Variants in CKB observed in about 807,000 individuals in gnomAD.
CKB encodes the protein creatine kinase B-type.
In CKB, 15 loss-of-function variants were observed where a neutral mutation model predicts 36.9. That is an observed-to-expected ratio of 0.41 (90% confidence interval 0.27 to 0.63). The LOEUF (loss-of-function observed/expected upper bound fraction) is 0.63. Ranked by LOEUF, CKB falls within the 20% of genes least tolerant of loss-of-function variation. The probability of loss-of-function intolerance (pLI) is 0.34; values close to 1 mark genes in which losing one functional copy is unlikely to be tolerated. For synonymous variants in CKB, 250 were observed against 228.2 expected (o/e 1.10, Z -0.86); for missense variants, 413 against 534.9 (o/e 0.77, Z 2.25).
rs766078386 is a variant in CKB at position 103,521,944 on chromosome 14, C to T, written c.355G>A (p.Asp119Asn). The change falls in exon 4 of 8, where the codon GAC (aspartate) becomes AAC (asparagine). Residue 119 changes from aspartate to asparagine, a missense_variant. Coordinates refer to ENST00000348956, the MANE Select transcript of CKB (RefSeq NM_001823.5). ...AGCACGTAGTTGGGGTCCAGGTCGT[C>T]GCCGCCCTGGGAGGCGAGACGGGAG... ...DLNPDNLQGGDDLDPNYVLSS... is the reference protein window; with the variant it reads ...DLNPDNLQGGNDLDPNYVLSS... The T allele has an allele frequency of 9.5e-6, 15 of 1,575,606 alleles. No individual in the cohort carries two copies. In the East Asian group the frequency reaches 3.4e-4, roughly 36 times the overall value.
At chr14:103,521,198 G>C in intron 5 of CKB, 65 bp downstream of exon 5, 1 of 1,516,198 alleles carries the variant, frequency 6.6e-7, no homozygotes, top group Non-Finnish European at 8.8e-7. Context: ...CGCGAGGGGG[G>C]CGAGAGGGAA....
intron 5 of CKB, chr14:103,521,051 G>A (rs1389847755): frequency 2.8e-6 from 2 of 708,276 alleles, no homozygotes; most frequent in African/African-American, 3.5e-5. Flanking sequence ...CCCACGGGCC[G>A]GGGCCCAGTC....
Position 103,519,781 on chromosome 14 carries a change from G to A in CKB, c.*83C>T, listed in dbSNP as rs2075885967. 9 of 1,472,618 alleles carry A rather than the reference G, an allele frequency of 6.1e-6. No homozygotes were observed. Among genetic ancestry groups the A allele is most frequent in the Non-Finnish European group, 8.2e-6 (9 of 1,101,906 alleles). The allele number at this position is 1,472,618 out of a possible 1,614,324, so 91.2% of individuals were successfully genotyped here. ...AGCAAGGCTAAGGGCTCGCCAGACG[G>A]CGAACATCAGGGGTGCATGGTGGGC... is the stretch of plus-strand genomic sequence containing the variant. On this transcript the variant is annotated 3_prime_UTR_variant, in exon 8 of 8. Coordinates refer to ENST00000348956, the MANE Select transcript of CKB (RefSeq NM_001823.5).
chr14:103,521,107 G>C, intron 5 of CKB, 156 bp downstream of exon 5: 2 of 932,560 alleles, frequency 2.1e-6, no homozygotes, highest in Non-Finnish European at 3.3e-6. Context: ...AGGAGGAGGC[G>C]CGGCACGGAA....
chr14:103,521,221 G>C lies in CKB; in HGVS notation c.653+42C>G, dbSNP rs959941529. ...GGGCGAGAGGGAAAGCGGAGGTAGCGGGGAGGGAGGACGCCGCGAGAGGGC... is the reference window on the plus strand; with the variant it reads ...GGGCGAGAGGGAAAGCGGAGGTAGCCGGGAGGGAGGACGCCGCGAGAGGGC... On this transcript the variant is annotated intron_variant, in intron 5 of 7. Transcript: ENST00000348956. The C allele has an allele frequency of 9.7e-6, 15 of 1,541,914 alleles. No individual in the cohort carries two copies. In the Middle Eastern group the frequency reaches 1.2e-3, roughly 118 times the overall value.
chr14:103,520,084 C>T (rs1280507642), intron 7 of CKB, 38 bp downstream of exon 7: 1 of 1,604,258 alleles, frequency 6.2e-7, no homozygotes, highest in East Asian at 2.2e-5. Context: ...CAGGGCTGCC[C>T]AAAGGCCACG....
intron 4 of CKB, 187 bp downstream of exon 4, chr14:103,521,631 C>T: frequency 1.1e-6 from 1 of 947,606 alleles, no homozygotes; most frequent in East Asian, 3.4e-5. Flanking sequence ...CTCCCTGGGC[C>T]CCAGGCCGCT....
Position 103,522,266 on chromosome 14 carries a change from G to T in CKB, c.193+35C>A, listed in dbSNP as rs903868730. ...GACCCTGCGGCTGCGCGGGGGGAGGGGGGGCCGGGACCCCGGCCCCGAGGG... is the reference window on the plus strand; with the variant it reads ...GACCCTGCGGCTGCGCGGGGGGAGGTGGGGCCGGGACCCCGGCCCCGAGGG... On this transcript the variant is annotated intron_variant, in intron 2 of 7. Transcript: ENST00000348956. This position sits in a 1 kb window ranked among gnomAD's most constrained non-coding sequence, Gnocchi z 6.7. 1 of 1,578,052 alleles carries T rather than the reference G, an allele frequency of 6.3e-7. No homozygotes were observed. Among genetic ancestry groups the T allele is most frequent in the Non-Finnish European group, 8.6e-7 (1 of 1,164,986 alleles).
rs1466321329 is a variant in CKB at position 103,519,700 on chromosome 14, G to C, written c.*164C>G. On this transcript the variant is annotated 3_prime_UTR_variant, in exon 8 of 8. Transcript: ENST00000348956. The stretch of plus-strand genomic sequence containing the variant: ...AAAACCCTAGTTTATTTCAGCATCA[G>C]CAGTATCTTAGCCATCAAAAAAATA... 6.8e-6 allele frequency: 5 copies of C among 736,540 alleles called. No homozygotes were observed. Among genetic ancestry groups the C allele is most frequent in the Non-Finnish European group, 1.0e-5 (5 of 476,702 alleles). 45.6% of individuals were successfully genotyped at this position (736,540 alleles called of 1,614,324 possible).
Position 103,522,263 on chromosome 14 carries a change from AGG to A in CKB, c.193+36_193+37del, listed in dbSNP as rs543521818. 11 of 1,136,392 alleles carry A rather than the reference AGG, an allele frequency of 9.7e-6. No homozygotes were observed. Among genetic ancestry groups the A allele is most frequent in the Admixed American group, 2.3e-5 (1 of 43,632 alleles). 70.4% of individuals were successfully genotyped at this position (1,136,392 alleles called of 1,614,324 possible). A position where few individuals can be genotyped will look rare whatever the true frequency, so the allele number is the denominator to read the frequency against. On this transcript the variant is annotated intron_variant, in intron 2 of 7. Coordinates refer to ENST00000348956, the MANE Select transcript of CKB (RefSeq NM_001823.5). The surrounding 1 kb of genome is among the most constrained non-coding windows in gnomAD (Gnocchi z 6.7). ...GAGGACCCTGCGGCTGCGCGGGGGGAGGGGGGGCCGGGACCCCGGCCCCGAGG... is the reference window on the plus strand; with the variant it reads ...GAGGACCCTGCGGCTGCGCGGGGGGAGGGGGCCGGGACCCCGGCCCCGAGG...
chr14:103,522,158 G>A lies in CKB; in HGVS notation c.213C>T (p.Thr71=). The change falls in exon 3 of 8, where the codon ACC becomes ACT. Residue 71 remains threonine, a synonymous_variant. Coordinates refer to ENST00000348956, the MANE Select transcript of CKB (RefSeq NM_001823.5). The surrounding 1 kb of genome is among the most constrained non-coding windows in gnomAD (Gnocchi z 6.7). ...CCTCGTCGCCCGCCACGCAGCCCAC[G>A]GTCATGATGTACGGGTGGCCTGGGG... ...VDNPGHPYIM[T]VGCVAGDEES... 2 of 1,604,844 alleles carry A rather than the reference G, an allele frequency of 1.2e-6. No individual in the cohort carries two copies. The highest frequency in any genetic ancestry group is 2.2e-5 in the East Asian group (1 of 44,448).
chr14:103,520,634 C>T lies in CKB; in HGVS notation c.654-42G>A, dbSNP rs764289385. The stretch of plus-strand genomic sequence containing the variant: ...CTCAGGGCATACCCAGAAAAAAGCC[C>T]CAGGCCGCCCCCAGACCAAAGGAAC... On this transcript the variant is annotated intron_variant, in intron 5 of 7. Transcript: ENST00000348956. 15 of 1,581,822 alleles carry T rather than the reference C, an allele frequency of 9.5e-6. No individual in the cohort carries two copies. The Middle Eastern group carries it at 5.0e-4, about 53-fold the overall frequency.
rs2075907535 is a variant in CKB, at chr14:103,522,238, G to A, written c.194-61C>T. 6.3e-7 allele frequency: 1 copy of A among 1,576,298 alleles called. No homozygotes were observed. Among genetic ancestry groups the A allele is most frequent in the African/African-American group, 1.4e-5 (1 of 73,712 alleles). ...CACTGCCGGGCCCGAGCGCGCTGCTGAGGACCCTGCGGCTGCGCGGGGGGA... is the reference window on the plus strand; with the variant it reads ...CACTGCCGGGCCCGAGCGCGCTGCTAAGGACCCTGCGGCTGCGCGGGGGGA... On this transcript the variant is annotated intron_variant, in intron 2 of 7. Transcript: ENST00000348956. This position sits in a 1 kb window ranked among gnomAD's most constrained non-coding sequence, Gnocchi z 6.7.
Position 103,522,048 on chromosome 14 carries a change from G to A in CKB, c.323C>T (p.Thr108Ile). The A allele has an allele frequency of 6.4e-7, 1 of 1,552,864 alleles. No homozygotes were observed. The highest frequency in any genetic ancestry group is 8.7e-7 in the Non-Finnish European group (1 of 1,148,714). ...GGYKPSDEHKTDLNPDNLQGG... is the reference protein window; with the variant it reads ...GGYKPSDEHKIDLNPDNLQGG... Reference sequence around the variant, plus strand: ...CTGCAGGTTGTCGGGGTTGAGGTCGGTCTTGTGCTCATCGCTGGGCTTGTA... The same window carrying A: ...CTGCAGGTTGTCGGGGTTGAGGTCGATCTTGTGCTCATCGCTGGGCTTGTA... Residue 108 changes from threonine (T) to isoleucine (I), a missense_variant, in exon 3 of 8, where the codon ACC becomes ATC. Thr to Ile is a moderately conservative substitution (Grantham distance 89). Around this residue, in one of 3 missense-constraint regions of CKB, gnomAD observed 314 missense variants for 409.4 expected, o/e 0.77. Transcript: ENST00000348956. This position sits in a 1 kb window ranked among gnomAD's most constrained non-coding sequence, Gnocchi z 6.7.
intron 5 of CKB, chr14:103,520,856 T>C (rs2075895089): frequency 4.0e-6 from 2 of 504,848 alleles, no homozygotes; most frequent in Admixed American, 7.1e-5. Flanking sequence ...CCCCCCACAG[T>C]GGGGGTAGGA....
In CKB at chr14:103,520,181, C is replaced by T. The variant is rs1475325487; in HGVS notation, c.908G>A (p.Gly303Asp). 2 of 1,612,378 alleles carry T rather than the reference C, an allele frequency of 1.2e-6. No individual in the cohort carries two copies. The highest frequency in any genetic ancestry group is 4.5e-5 in the East Asian group (2 of 44,850). ...CACCTCCGAGAACTTCTCATGCTTGCCCAGGTTGGGCAGCTTGATATGCAC... is the reference window on the plus strand; with the variant it reads ...CACCTCCGAGAACTTCTCATGCTTGTCCAGGTTGGGCAGCTTGATATGCAC... ...AGVHIKLPNL[G>D]KHEKFSEVLK... The change falls in exon 7 of 8, where the codon GGC becomes GAC. Residue 303 changes from glycine to aspartate, a missense_variant. Physicochemically the swap from Gly to Asp is moderately conservative, Grantham distance 94. Coordinates refer to ENST00000348956, the MANE Select transcript of CKB (RefSeq NM_001823.5).
chr14:103,519,849 G>A lies in CKB; in HGVS notation c.*15C>T. On this transcript the variant is annotated 3_prime_UTR_variant, in exon 8 of 8. Transcript: ENST00000348956. ...TTAGGAAGCAGCAGGGCTGGTGTCG[G>A]GTGTGGGCCGGGCTTCATTTCTGGG... is the stretch of plus-strand genomic sequence containing the variant. 6.3e-7 allele frequency: 1 copy of A among 1,589,852 alleles called. No homozygotes were observed.
In CKB at chr14:103,519,918, C is replaced by T. The variant is rs1803283; in HGVS notation, c.1092G>A (p.Glu364=). ...TGGCCTGGCCCTGCTCCAGCCGCTGCTCCATCTCGATGAGCAGCTTCACTC... is the reference window on the plus strand; with the variant it reads ...TGGCCTGGCCCTGCTCCAGCCGCTGTTCCATCTCGATGAGCAGCTTCACTC... ...VDGVKLLIEM[E]QRLEQGQAID... is the part of the protein sequence containing the mutation. The change falls in exon 8 of 8, where the codon GAG becomes GAA. Residue 364 remains glutamate (E), a synonymous_variant. Coordinates refer to ENST00000348956, the MANE Select transcript of CKB (RefSeq NM_001823.5). The T allele has an allele frequency of 0.65, 1,038,169 of 1,608,710 alleles. 338,562 individuals are homozygous for T. Among genetic ancestry groups the T allele is most frequent in the East Asian group, 0.81 (36,512 of 44,824 alleles).
intron 3 of CKB, 25 bp from the exon 4 acceptor site, chr14:103,521,975 G>A (rs769710600): frequency 1.6e-4 from 249 of 1,556,426 alleles, no homozygotes; most frequent in Non-Finnish European, 2.1e-4. Flanking sequence ...GGGAGTGAGC[G>A]CCCGAAGACC....
Sources: gnomAD v4.1 joint callset for allele counts on GRCh38, gnomAD v4.1.1 for gene constraint, gnomAD v4.1.1 regional missense constraint, Gnocchi (gnomAD v3.1) non-coding constraint, MANE v1.5 for transcripts, NCBI Gene and HGNC (gene_info 2026-07-23, HGNC 2026-07-21) for gene names.